Variants in CEP126 observed in about 807,000 individuals in gnomAD.
The protein encoded by CEP126 is centrosomal protein 126.
In CEP126, 74 loss-of-function variants were observed where a neutral mutation model predicts 107.8. That is an observed-to-expected ratio of 0.69 (90% CI 0.57 to 0.83). The LOEUF (loss-of-function observed/expected upper bound fraction) is 0.83, where lower values mean the gene tolerates loss of function less well. CEP126 is among the 40% of genes least tolerant of loss of function. The pLI is 0.00. For missense variants in CEP126, 1,237 were observed against 1,281.9 expected, an observed-to-expected ratio of 0.96 and a Z score of 0.53; for synonymous variants, 449 against 446.0, an observed-to-expected ratio of 1.01 and a Z score of -0.08.
intron 2 of CEP126, among the ~76,000 whole-genome samples, chr11:101,928,634 A>G (rs945075840): frequency 6.6e-6 from 1 of 152,124 alleles, no homozygotes; most frequent in African/African-American, 2.4e-5. Context: ...GTCCAGCATT[A>G]TTTGTTGAAT....
In CEP126 at chr11:101,951,888, T is replaced by C. The variant is rs1404101268; in HGVS notation, c.506+3746T>C. 3.9e-5 allele frequency among the ~76,000 whole-genome samples: 6 copies of C among 152,194 alleles called. No homozygotes were observed. In the South Asian group the frequency reaches 1.2e-3, roughly 32 times the overall value. On this transcript the variant is annotated intron_variant, in intron 4 of 10. Coordinates refer to ENST00000263468, the MANE Select transcript of CEP126 (RefSeq NM_020802.4). Reference sequence around the variant, plus strand: ...ATGATTGTATATATTGTTGCTTAATTTTCATGTGTACTTTTGTCCCCACAA... The same window carrying C: ...ATGATTGTATATATTGTTGCTTAATCTTCATGTGTACTTTTGTCCCCACAA...
chr11:101,962,477 A>G lies in CEP126; in HGVS notation c.1442A>G (p.His481Arg). Residue 481 changes from histidine (H) to arginine (R), a missense_variant, in exon 6 of 11, where the codon CAC (histidine) becomes CGC (arginine). His to Arg is a conservative substitution (Grantham distance 29). Coordinates refer to ENST00000263468, the MANE Select transcript of CEP126 (RefSeq NM_020802.4). ...SARPSAKNSI[H>R]IKEIDAVQCS... Reference sequence around the variant, plus strand: ...AGACCTTCAGCAAAGAACAGTATACACATAAAAGAAATTGATGCAGTGCAG... The same window carrying G: ...AGACCTTCAGCAAAGAACAGTATACGCATAAAAGAAATTGATGCAGTGCAG... 6.2e-7 allele frequency: 1 copy of G among 1,613,244 alleles called. No homozygotes were observed. The highest frequency in any genetic ancestry group is 1.3e-5 in the African/African-American group (1 of 74,982).
rs1209529294 is a variant in CEP126 at position 101,963,776 on chromosome 11, G to A, written c.2741G>A (p.Cys914Tyr). ...TLYCTQRSPVCEESYPSVTLR... is the reference protein window; with the variant it reads ...TLYCTQRSPVYEESYPSVTLR... ...TATTGCACCCAAAGAAGTCCTGTTTGTGAAGAAAGTTATCCGTCTGTGACT... is the reference window on the plus strand; with the variant it reads ...TATTGCACCCAAAGAAGTCCTGTTTATGAAGAAAGTTATCCGTCTGTGACT... Residue 914 changes from cysteine to tyrosine, a missense_variant, in exon 6 of 11, where the codon TGT becomes TAT. Around this residue, in one of 3 missense-constraint regions of CEP126, gnomAD observed 1,134 missense variants for 1,150.5 expected, o/e 0.99. Coordinates refer to ENST00000263468, the MANE Select transcript of CEP126 (RefSeq NM_020802.4). 3 of 1,614,138 alleles carry A rather than the reference G, an allele frequency of 1.9e-6. No individual in the cohort carries two copies. The highest frequency in any genetic ancestry group is 2.5e-6 in the Non-Finnish European group (3 of 1,179,994).
intron 4 of CEP126, chr11:101,955,738 C>A: frequency 2.7e-6 from 1 of 365,862 alleles, no homozygotes; most frequent in Non-Finnish European, 5.4e-6. Context: ...AAAAAATAAT[C>A]TTAATAAGGC....
At chr11:101,917,988 T>C (rs1940255326) in intron 1 of CEP126, among the ~76,000 whole-genome samples, 1 of 152,214 alleles carries the variant, frequency 6.6e-6, no homozygotes, top group African/African-American at 2.4e-5. Context: ...GCCAGGTCTC[T>C]GTCACCTTCC....
chr11:101,976,596 C>T (rs1412141415), intron 6 of CEP126, among the ~76,000 whole-genome samples: 2 of 152,178 alleles, frequency 1.3e-5, no homozygotes, highest in African/African-American at 4.8e-5. Flanking sequence ...AGTGCTTATA[C>T]ACATATGCAT....
chr11:101,990,987 C>T (rs1941372197), intron 9 of CEP126, among the ~76,000 whole-genome samples: 1 of 151,904 alleles, frequency 6.6e-6, no homozygotes, highest in Non-Finnish European at 1.5e-5. Flanking sequence ...AGCTGGGCAA[C>T]ATGGTGAAAC....
At chr11:101,966,512 A>G (rs1941059109) in intron 6 of CEP126, among the ~76,000 whole-genome samples, 1 of 152,198 alleles carries the variant, frequency 6.6e-6, no homozygotes, top group Non-Finnish European at 1.5e-5. Context: ...GATCCAAGCC[A>G]TTCGACTATA....
intron 4 of CEP126, among the ~76,000 whole-genome samples, chr11:101,950,757 A>G (rs1265125032): frequency 6.6e-6 from 1 of 152,232 alleles, no homozygotes; most frequent in African/African-American, 2.4e-5. Context: ...TGTCGGGACT[A>G]CAGGATGTGT....
chr11:101,918,233 A>G (rs1940261099), intron 1 of CEP126, among the ~76,000 whole-genome samples: 2 of 152,222 alleles, frequency 1.3e-5, no homozygotes, highest in South Asian at 4.1e-4. Context: ...AGATTGCTTG[A>G]GTCCAGGAGT....
Position 101,963,116 on chromosome 11 carries a change from TCTCTGAAAA to T in CEP126, c.2082_2090del (p.Ser695_Asn697del), listed in dbSNP as rs765905721. On this transcript the variant is annotated inframe_deletion, in exon 6 of 11. Coordinates refer to ENST00000263468, the MANE Select transcript of CEP126 (RefSeq NM_020802.4). ...ACAAAGAAGTCCAGGGAGGATTCTA[TCTCTGAAAA>T]TGTTACGACTTTAGGAGGATCTGGA... 6.2e-7 allele frequency: 1 copy of T among 1,614,110 alleles called. No individual in the cohort carries two copies. Among genetic ancestry groups the T allele is most frequent in the Admixed American group, 1.7e-5 (1 of 60,018 alleles).
chr11:101,954,566 T>G (rs1425968581), intron 4 of CEP126, among the ~76,000 whole-genome samples: 1 of 152,152 alleles, frequency 6.6e-6, no homozygotes, highest in Admixed American at 6.6e-5. Flanking sequence ...CCTAGTTAGT[T>G]TTCATGTTAT....
At position 101,978,347 on chromosome 11, in the gene CEP126, G is replaced by T. The variant is rs146666593; in HGVS notation, c.2846G>T (p.Gly949Val). ...NVLHQNKRAT[G>V]STVMRRKRIA... The stretch of plus-strand genomic sequence containing the variant: ...AACATTGTGCTGGCATTTGTTTAAG[G>T]GTCTACTGTTATGAGAAGAAAACGA... The change falls in exon 7 of 11, where the codon GGG (glycine) becomes GTG (valine). Residue 949 changes from glycine (G) to valine (V), a missense_variant and splice_region_variant. Physicochemically the swap from Gly to Val is moderately radical, Grantham distance 109. Around this residue, in one of 3 missense-constraint regions of CEP126, gnomAD observed 1,134 missense variants for 1,150.5 expected, o/e 0.99. Coordinates refer to ENST00000263468, the MANE Select transcript of CEP126 (RefSeq NM_020802.4). 3 of 1,603,318 alleles carry T rather than the reference G, an allele frequency of 1.9e-6. No homozygotes were observed. In the East Asian group the frequency reaches 6.7e-5, roughly 36 times the overall value.
intron 8 of CEP126, among the ~76,000 whole-genome samples, chr11:101,984,372 A>G (rs1941291986): frequency 6.6e-6 from 1 of 152,226 alleles, no homozygotes; most frequent in African/African-American, 2.4e-5. Context: ...GTCAAGTGAG[A>G]AAAAATTATG....
At chr11:101,960,117 G>C (rs749566715) in intron 5 of CEP126, among the ~76,000 whole-genome samples, 1 of 151,976 alleles carries the variant, frequency 6.6e-6, no homozygotes, top group African/African-American at 2.4e-5. Context: ...TCAGATTAAA[G>C]CCAGAGGGAA....
chr11:101,929,636 G>A (rs912851015), intron 2 of CEP126, among the ~76,000 whole-genome samples: 4 of 152,178 alleles, frequency 2.6e-5, no homozygotes, highest in Non-Finnish European at 5.9e-5. Context: ...AGGGCACTTC[G>A]TCCTGCTGGG....
intron 9 of CEP126, 68 bp from the exon 10 acceptor site, chr11:101,992,710 C>A (rs1941399376): frequency 5.6e-6 from 5 of 886,376 alleles, no homozygotes; most frequent in African/African-American, 1.8e-5. Context: ...ATATTTGATT[C>A]TTTAGTCATT....
chr11:101,925,265 G>A (rs1417785295), intron 2 of CEP126, among the ~76,000 whole-genome samples: 1 of 152,070 alleles, frequency 6.6e-6, no homozygotes, highest in East Asian at 1.9e-4. Flanking sequence ...TGTAGACCAA[G>A]GAATTTTGAG....
chr11:101,953,800 A>T (rs568477086), intron 4 of CEP126, among the ~76,000 whole-genome samples: 14 of 152,254 alleles, frequency 9.2e-5, no homozygotes, highest in African/African-American at 3.4e-4. Context: ...CTACCATATT[A>T]TATGTGTCAA....
Sources: allele counts gnomAD v4.1 joint callset (sites outside exome capture counted in the v4.1 genomes callset), GRCh38; gene constraint gnomAD v4.1.1; regional missense constraint gnomAD v4.1.1; transcripts MANE v1.5; gene names NCBI Gene and HGNC (gene_info 2026-07-23, HGNC 2026-07-21).